Variants in LAPTM5 observed in about 807,000 individuals in gnomAD.
The protein encoded by LAPTM5 is lysosomal-associated transmembrane protein 5.
A neutral mutation model predicts 30.1 loss-of-function variants in LAPTM5; 11 were observed. That is an observed-to-expected ratio of 0.37 (90% CI 0.23 to 0.60). LAPTM5 has a LOEUF of 0.60. LAPTM5 is among the 20% of genes least tolerant of loss of function. The probability of loss-of-function intolerance (pLI) is 0.71; values close to 1 mark genes in which losing one functional copy is unlikely to be tolerated. For synonymous variants in LAPTM5, 151 were observed against 137.9 expected, an observed-to-expected ratio of 1.10 and a Z score of -0.67; for missense variants, 324 against 332.5, an observed-to-expected ratio of 0.97 and a Z score of 0.20.
At chr1:30,735,834 A>G (rs1639876874) in intron 6 of LAPTM5, among the ~76,000 whole-genome samples, 1 of 152,146 alleles carries the variant, frequency 6.6e-6, no homozygotes, top group Non-Finnish European at 1.5e-5. Context: ...GAAAACCCCC[A>G]GGATGCCCCC....
Position 30,756,722 on chromosome 1 carries a change from C to T in LAPTM5, c.87+937G>A, listed in dbSNP as rs116073027. Among the ~76,000 whole-genome samples, 605 of 152,332 alleles carry T rather than the reference C, an allele frequency of 4.0e-3. 7 individuals carry two copies. Among genetic ancestry groups the T allele is most frequent in the African/African-American group, 0.014 (572 of 41,564 alleles). ...CAGGTCTGAGTTTGCAGCAACCCAC[C>T]GCAGCATGTGGATCTAGGCTAATTT... On this transcript the variant is annotated intron_variant, in intron 1 of 7. Coordinates refer to ENST00000294507, the MANE Select transcript of LAPTM5 (RefSeq NM_006762.3).
chr1:30,743,519 G>A (rs1640000379), intron 1 of LAPTM5, among the ~76,000 whole-genome samples: 2 of 152,160 alleles, frequency 1.3e-5, no homozygotes, highest in African/African-American at 4.8e-5. Context: ...CTACTTAAGT[G>A]CTTCCAGCCA....
chr1:30,742,413 G>C (rs1301383426), intron 2 of LAPTM5, 43 bp downstream of exon 2: 3 of 1,446,604 alleles, frequency 2.1e-6, no homozygotes, highest in African/African-American at 2.8e-5. Context: ...GGCCCTCCCT[G>C]TCCTCCTCCC....
intron 7 of LAPTM5, 34 bp downstream of exon 7, chr1:30,735,139 G>T: frequency 2.0e-6 from 3 of 1,505,316 alleles, no homozygotes; most frequent in South Asian, 1.1e-5. Flanking sequence ...GGGAGTTAGT[G>T]ACAGGGCTGG....
intron 1 of LAPTM5, chr1:30,745,945 G>C (rs557206731): frequency 1.6e-4 from 25 of 152,390 alleles, no homozygotes; most frequent in African/African-American, 5.8e-4. Context: ...GCCCGGCTGG[G>C]GTGTGAACCC....
intron 1 of LAPTM5, among the ~76,000 whole-genome samples, chr1:30,752,875 C>T (rs1746056): frequency 0.46 from 70,159 of 151,876 alleles, 16,843 homozygotes; most frequent in East Asian, 0.61. Flanking sequence ...GGCGCGATCT[C>T]GGCTCACTGC....
At chr1:30,750,247 G>T (rs1003857337) in intron 1 of LAPTM5, among the ~76,000 whole-genome samples, 2 of 152,060 alleles carry the variant, frequency 1.3e-5, no homozygotes, top group Non-Finnish European at 2.9e-5. Flanking sequence ...GATATCTGGG[G>T]AAGCACCCTC....
intron 1 of LAPTM5, among the ~76,000 whole-genome samples, chr1:30,752,954 C>T (rs780975087): frequency 6.6e-6 from 1 of 152,190 alleles, no homozygotes; most frequent in African/African-American, 2.4e-5. Context: ...CTACAGGCTC[C>T]CGCCATCATG....
intron 1 of LAPTM5, among the ~76,000 whole-genome samples, chr1:30,749,573 G>A (rs933261185): frequency 1.3e-5 from 2 of 152,186 alleles, no homozygotes; most frequent in Non-Finnish European, 2.9e-5. Flanking sequence ...ATCAGGCTGG[G>A]TCAAGACCCA....
intron 1 of LAPTM5, among the ~76,000 whole-genome samples, chr1:30,748,706 G>A (rs535165609): frequency 1.3e-4 from 20 of 152,292 alleles, no homozygotes; most frequent in African/African-American, 4.3e-4. Context: ...GCAGCAGCCC[G>A]GCCTGGCTGC....
intron 7 of LAPTM5, among the ~76,000 whole-genome samples, chr1:30,734,557 G>A (rs1639860118): frequency 2.0e-5 from 3 of 152,338 alleles, no homozygotes; most frequent in Admixed American, 1.3e-4. Flanking sequence ...CTGTGAGCTA[G>A]TAAATTCCTG....
intron 1 of LAPTM5, among the ~76,000 whole-genome samples, chr1:30,749,697 A>G (rs2124195390): frequency 6.6e-6 from 1 of 152,224 alleles, no homozygotes; most frequent in East Asian, 1.9e-4. Flanking sequence ...TTCTCAGAGG[A>G]GGTGGATCTT....
chr1:30,741,766 C>G, intron 2 of LAPTM5, 50 bp from the exon 3 acceptor site: 1 of 1,415,566 alleles, frequency 7.1e-7, no homozygotes, highest in East Asian at 2.4e-5. Flanking sequence ...CCTGGGACCC[C>G]AGCCAGGCTC....
chr1:30,746,168 C>G lies in LAPTM5; in HGVS notation c.88-3619G>C, dbSNP rs1220639255. 1 of 152,318 alleles carries G rather than the reference C, an allele frequency of 6.6e-6. No individual in the cohort carries two copies. Among genetic ancestry groups the G allele is most frequent in the Non-Finnish European group, 1.5e-5 (1 of 68,110 alleles). The allele number at this position is 152,318 out of a possible 1,614,324, so 9.4% of individuals were successfully genotyped here. A position where few individuals can be genotyped will look rare whatever the true frequency, so the allele number is the denominator to read the frequency against. On this transcript the variant is annotated intron_variant, in intron 1 of 7. Transcript: ENST00000294507. This position sits in a 1 kb window ranked among gnomAD's most constrained non-coding sequence, Gnocchi z 4.0. The stretch of plus-strand genomic sequence containing the variant: ...TGGCCAGGTTCTGGCTTCTCCCTGG[C>G]CTCAGCTTTCGATTCTGGTCAATGA...
intron 1 of LAPTM5, among the ~76,000 whole-genome samples, chr1:30,743,550 G>T (rs1303681909): frequency 2.6e-5 from 4 of 152,148 alleles, no homozygotes; most frequent in Non-Finnish European, 5.9e-5. Flanking sequence ...ACAACCTTAT[G>T]TGTGTCCATG....
intron 1 of LAPTM5, among the ~76,000 whole-genome samples, chr1:30,743,191 T>C (rs185240367): frequency 6.6e-6 from 1 of 152,298 alleles, no homozygotes; most frequent in African/African-American, 2.4e-5. Context: ...ACCTGGCAGA[T>C]AGTAAGCACT....
chr1:30,750,178 G>C (rs371763856), intron 1 of LAPTM5, among the ~76,000 whole-genome samples: 1 of 152,102 alleles, frequency 6.6e-6, no homozygotes, highest in Admixed American at 6.5e-5. Context: ...AGCAGCCAGT[G>C]GGGGGCTCAG....
At chr1:30,737,331 G>T (rs184789858) in intron 6 of LAPTM5, among the ~76,000 whole-genome samples, 128 of 152,320 alleles carry the variant, frequency 8.4e-4, no homozygotes, top group Admixed American at 5.0e-3. Flanking sequence ...GGATTCAAAC[G>T]CAGGCCAGTC....
At chr1:30,747,877 G>A (rs1640070857) in intron 1 of LAPTM5, among the ~76,000 whole-genome samples, 3 of 152,278 alleles carry the variant, frequency 2.0e-5, no homozygotes, top group South Asian at 2.1e-4. Context: ...TGGAGTTGGC[G>A]TGGTGATGAC....
Sources: allele counts gnomAD v4.1 joint callset (sites outside exome capture counted in the v4.1 genomes callset), GRCh38; gene constraint gnomAD v4.1.1; non-coding constraint Gnocchi (gnomAD v3.1); transcripts MANE v1.5; gene names NCBI Gene and HGNC (gene_info 2026-07-23, HGNC 2026-07-21).